NEB: variants seen among roughly 807,000 people sequenced by gnomAD.
NEB encodes the protein nebulin.
In NEB, 512 loss-of-function variants were observed where a neutral mutation model predicts 952.2. The ratio of observed to expected loss-of-function variants is 0.54; its 90% CI spans 0.50 to 0.58. The LOEUF (loss-of-function observed/expected upper bound fraction) is 0.58, where lower values mean the gene tolerates loss of function less well. Ranked by LOEUF, NEB falls within the 20% of genes least tolerant of loss-of-function variation. The probability of loss-of-function intolerance (pLI) is 0.00; values close to 1 mark genes in which losing one functional copy is unlikely to be tolerated. For missense variants in NEB, 8,428 were observed against 9,231.1 expected, an observed-to-expected ratio of 0.91 and a Z score of 3.56; for synonymous variants, 2,900 against 3,149.8, an observed-to-expected ratio of 0.92 and a Z score of 2.66.
At chr2:151,728,652 G>A (rs2099797710) in intron 4 of NEB, among the ~76,000 whole-genome samples, 1 of 152,090 alleles carries the variant, frequency 6.6e-6, no homozygotes, top group Non-Finnish European at 1.5e-5. Flanking sequence ...AAGACACTAA[G>A]ACCCAAAGTT....
In NEB at chr2:151,725,471, T is replaced by C. The variant is rs1367507542; in HGVS notation, c.384A>G (p.Val128=). 6 of 1,613,380 alleles carry C rather than the reference T, an allele frequency of 3.7e-6. No individual in the cohort carries two copies. In the African/African-American group the frequency reaches 6.7e-5, roughly 18 times the overall value. ...DTPELRRIKK[V]QDQLSEVKYR... ...AGCCCACCTCACTGAGTTGATCTTG[T>C]ACTTTTTTGATTCTGCGAAGTTCTG... The change falls in exon 6 of 182, where the codon GTA becomes GTG. Residue 128 remains valine (V), a synonymous_variant. Transcript: ENST00000397345.
intron 124 of NEB, among the ~76,000 whole-genome samples, chr2:151,555,498 A>G (rs1399670178): frequency 6.6e-6 from 1 of 152,186 alleles, no homozygotes. Flanking sequence ...AGAAAACACA[A>G]TCCTTGGATT....
chr2:151,594,469 G>C (rs1455508269), intron 92 of NEB, among the ~76,000 whole-genome samples, 151 bp from the exon 93 acceptor site: 1 of 151,040 alleles, frequency 6.6e-6, no homozygotes, highest in African/African-American at 2.4e-5. Flanking sequence ...TCACTTTAAA[G>C]GAATTAGATA....
At chr2:151,572,825 C>T (rs771800037) in intron 107 of NEB, among the ~76,000 whole-genome samples, 1 of 146,776 alleles carries the variant, frequency 6.8e-6, no homozygotes, top group Non-Finnish European at 1.5e-5. Context: ...GCTGGGATTA[C>T]AGGCATGAGC....
At chr2:151,656,560 A>G in intron 48 of NEB, 96 bp from the exon 49 acceptor site, 1 of 653,978 alleles carries the variant, frequency 1.5e-6, no homozygotes, top group Non-Finnish European at 2.2e-6. Flanking sequence ...TAATTATAAA[A>G]TATAATTAAA....
At chr2:151,693,034 G>T (rs1443571566) in intron 20 of NEB, among the ~76,000 whole-genome samples, 1 of 152,118 alleles carries the variant, frequency 6.6e-6, no homozygotes, top group Non-Finnish European at 1.5e-5. Context: ...AAGGGTATAA[G>T]GTGAACCTTA....
chr2:151,681,852 T>C (rs1576170928), intron 29 of NEB, among the ~76,000 whole-genome samples: 2 of 152,266 alleles, frequency 1.3e-5, no homozygotes, highest in African/African-American at 4.8e-5. Flanking sequence ...ATATGACATA[T>C]GGAATAATTC....
At chr2:151,673,771 T>C (rs1575825441) in intron 36 of NEB, among the ~76,000 whole-genome samples, 1 of 145,562 alleles carries the variant, frequency 6.9e-6, no homozygotes, top group Admixed American at 7.1e-5. Context: ...TCTCCCTCTG[T>C]CGCCCAGGCT....
At chr2:151,612,869 G>A (rs923798519) in intron 77 of NEB, among the ~76,000 whole-genome samples, 17 of 152,096 alleles carry the variant, frequency 1.1e-4, no homozygotes, top group African/African-American at 2.2e-4. Context: ...CGTCTTTTTC[G>A]TATGCTTCTA....
intron 27 of NEB, 102 bp downstream of exon 27, chr2:151,687,317 G>T: frequency 2.0e-6 from 2 of 978,872 alleles, no homozygotes; most frequent in Non-Finnish European, 1.6e-6. Flanking sequence ...AATGTGATGT[G>T]AAAGAGCCCA....
chr2:151,662,365 T>C (rs977896109), intron 45 of NEB, 24 bp from the exon 46 acceptor site: 1 of 1,522,550 alleles, frequency 6.6e-7, no homozygotes, highest in Middle Eastern at 1.8e-4. Context: ...AAAATTAAAT[T>C]ATGAGAAGAA....
chr2:151,546,001 TAAAAAA>T lies in NEB; in HGVS notation c.20467-9_20467-4del. 1 of 948,528 alleles carries T rather than the reference TAAAAAA, an allele frequency of 1.1e-6. No homozygotes were observed. The highest frequency in any genetic ancestry group is 1.6e-6 in the Non-Finnish European group (1 of 643,016). The allele number at this position is 948,528 out of a possible 1,614,324, so 58.8% of individuals were successfully genotyped here. A position where few individuals can be genotyped will look rare whatever the true frequency, so the allele number is the denominator to read the frequency against. ...TTATCAGTGTATAGGTAATTAGACT[TAAAAAA>T]AAAAAAAAAAACAGAAATACAAGTT... On this transcript the variant is annotated splice_polypyrimidine_tract_variant and splice_region_variant and intron_variant, in intron 134 of 181. Transcript: ENST00000397345.
intron 63 of NEB, 111 bp downstream of exon 63, chr2:151,639,169 A>G: frequency 1.2e-6 from 1 of 831,726 alleles, no homozygotes; most frequent in Admixed American, 2.4e-5. Flanking sequence ...TGTTATTCAC[A>G]TGAAACATGA....
intron 30 of NEB, 135 bp downstream of exon 30, chr2:151,680,595 G>C (rs1576122018): frequency 1.6e-6 from 1 of 607,364 alleles, no homozygotes; most frequent in East Asian, 2.7e-5. Context: ...ATGAACAGCT[G>C]GGGAATTCTA....
Position 151,541,467 on chromosome 2 carries a change from C to A in NEB, c.20662G>T (p.Gly6888Trp). The change falls in exon 136 of 182, where the codon GGG (glycine) becomes TGG (tryptophan). Residue 6888 changes from glycine (G) to tryptophan (W), a missense_variant. Physicochemically the swap from Gly to Trp is radical, Grantham distance 184. Coordinates refer to ENST00000397345, the MANE Select transcript of NEB (RefSeq NM_001164508.2). ...CTTACCTGACTCTGAAGCTTCTGCC[C>A]TCGCTTGGCTCTTAAAAGATCAGGA... ...DTPDLLRAKR[G>W]QKLQSQYLYV... 1.9e-6 allele frequency: 3 copies of A among 1,612,686 alleles called. No homozygotes were observed. Among genetic ancestry groups the A allele is most frequent in the South Asian group, 1.1e-5 (1 of 90,786 alleles).
Position 151,636,265 on chromosome 2 carries a change from T to C in NEB, c.9064A>G (p.Ile3022Val), listed in dbSNP as rs2098761523. ...GYDLRSDAIP[I>V]VAAKASRDII... ...TCCCTGGAGGCCTTGGCCGCCACGA[T>C]GGGGATGGCGTCGCTTCGCAAGTCA... The change falls in exon 64 of 182, where the codon ATC becomes GTC. Residue 3022 changes from isoleucine (I) to valine (V), a missense_variant. Ile to Val is a conservative substitution (Grantham distance 29). Around this residue, in one of 11 missense-constraint regions of NEB, gnomAD observed 1,772 missense variants for 1,960.3 expected, o/e 0.90. Coordinates refer to ENST00000397345, the MANE Select transcript of NEB (RefSeq NM_001164508.2). 1.2e-6 allele frequency: 2 copies of C among 1,610,414 alleles called. No homozygotes were observed. Among genetic ancestry groups the C allele is most frequent in the Non-Finnish European group, 1.7e-6 (2 of 1,179,760 alleles).
chr2:151,685,400 A>G (rs1316062464), intron 27 of NEB, among the ~76,000 whole-genome samples: 1 of 152,214 alleles, frequency 6.6e-6, no homozygotes, highest in African/African-American at 2.4e-5. Context: ...CTTCATACAC[A>G]GGGCTGTAGA....
At chr2:151,657,559 T>A (rs2099098862) in intron 48 of NEB, among the ~76,000 whole-genome samples, 1 of 152,160 alleles carries the variant, frequency 6.6e-6, no homozygotes, top group Non-Finnish European at 1.5e-5. Flanking sequence ...TTGCAAAAAT[T>A]CCTGATTATT....
intron 60 of NEB, among the ~76,000 whole-genome samples, chr2:151,641,961 C>T (rs2098863257): frequency 6.6e-6 from 1 of 152,074 alleles, no homozygotes; most frequent in Admixed American, 6.5e-5. Flanking sequence ...TATCCCTCCT[C>T]CCTCCCCCCA....
Sources: gnomAD v4.1 joint callset for allele counts (sites outside exome capture counted in the v4.1 genomes callset) on GRCh38, gnomAD v4.1.1 for gene constraint, gnomAD v4.1.1 regional missense constraint, MANE v1.5 for transcripts, NCBI Gene and HGNC (gene_info 2026-07-23, HGNC 2026-07-21) for gene names.